Variants in MAGI1 observed in about 807,000 individuals in gnomAD.
The protein encoded by MAGI1 is membrane-associated guanylate kinase, WW and PDZ domain-containing protein 1.
Under a neutral mutation model 139.9 loss-of-function variants are expected in MAGI1, and 58 were observed. The observed-to-expected ratio is 0.41, with a 90% confidence interval of 0.34 to 0.52. The LOEUF (loss-of-function observed/expected upper bound fraction) is 0.52, where lower values mean the gene tolerates loss of function less well. MAGI1 is among the 20% of genes least tolerant of loss of function. MAGI1 has a pLI of 0.12. For synonymous variants in MAGI1, 812 were observed against 737.9 expected, an observed-to-expected ratio of 1.10 and a Z score of -1.63; for missense variants, 1,874 against 1,901.6, an observed-to-expected ratio of 0.99 and a Z score of 0.27.
chr3:66,026,731 G>C (rs1053905614), intron 1 of MAGI1, among the ~76,000 whole-genome samples: 2 of 152,038 alleles, frequency 1.3e-5, no homozygotes, highest in African/African-American at 4.8e-5. Context: ...GAGAGAAGAG[G>C]AGATGGCGGC....
rs376602572 is a variant in MAGI1 at position 65,796,815 on chromosome 3, C to T, written c.314-174727G>A. On this transcript the variant is annotated intron_variant, in intron 1 of 22. Transcript: ENST00000402939. ...CAATTCTGTTGCTGTCATGGGAAAG[C>T]GGCCTTGTACTATACATGACAAATG... Among the ~76,000 whole-genome samples the T allele has an allele frequency of 6.3e-4, 96 of 152,292 alleles. 2 individuals carry two copies. The South Asian group carries it at 0.017, about 27-fold the overall frequency.
chr3:65,996,537 C>A (rs2066456740), intron 1 of MAGI1, among the ~76,000 whole-genome samples: 1 of 26,254 alleles, frequency 3.8e-5, no homozygotes, highest in African/African-American at 1.5e-4. Flanking sequence ...AAATGAAAAA[C>A]TAAGGGGGGG....
intron 2 of MAGI1, among the ~76,000 whole-genome samples, chr3:65,498,669 T>C (rs1220186105): frequency 6.6e-6 from 1 of 152,196 alleles, no homozygotes. Context: ...AGCCATGGTC[T>C]GTCTGAACAC....
At position 65,361,273 on chromosome 3, in the gene MAGI1, A is replaced by G. The variant is rs370182220; in HGVS notation, c.3560T>C (p.Ile1187Thr). The G allele has an allele frequency of 6.2e-7, 1 of 1,614,070 alleles. No homozygotes were observed. The highest frequency in any genetic ancestry group is 8.5e-7 in the Non-Finnish European group (1 of 1,180,020). The part of the protein sequence containing the change: ...TTKNMKHSRA[I>T]ELIKNGGRRV... ...GCGGCCACCATTCTTAATCAGTTCT[A>G]TAGCTCGAGAATGCTTCATGTTTTT... Residue 1187 changes from isoleucine to threonine, a missense_variant, in exon 22 of 23, where the codon ATA becomes ACA. By Grantham distance (89) the Ile-to-Thr change is moderately conservative (BLOSUM62 -1). Coordinates refer to ENST00000402939, the MANE Select transcript of MAGI1 (RefSeq NM_001033057.2).
intron 2 of MAGI1, among the ~76,000 whole-genome samples, chr3:65,504,315 T>A (rs534780704): frequency 6.6e-6 from 1 of 152,368 alleles, no homozygotes; most frequent in South Asian, 2.1e-4. Context: ...TAGAAAATTA[T>A]GTTCATTTAA....
intron 1 of MAGI1, among the ~76,000 whole-genome samples, chr3:65,662,409 T>G (rs986851469): frequency 9.9e-5 from 15 of 152,244 alleles, no homozygotes; most frequent in Admixed American, 3.3e-4. Flanking sequence ...TAGCAACTAC[T>G]TGATTCTGCC....
rs1353395560 is a variant in MAGI1, at chr3:65,364,737, A to C, written c.3291-12T>G. On this transcript the variant is annotated splice_polypyrimidine_tract_variant and intron_variant, in intron 19 of 22. Coordinates refer to ENST00000402939, the MANE Select transcript of MAGI1 (RefSeq NM_001033057.2). Reference sequence around the variant, plus strand: ...GTTTGGTGGTATTCCTGCCAAAGTGAAAGAAATAAATATAAGAGCAACCCA... The same window carrying C: ...GTTTGGTGGTATTCCTGCCAAAGTGCAAGAAATAAATATAAGAGCAACCCA... 1 of 1,613,694 alleles carries C rather than the reference A, an allele frequency of 6.2e-7. No individual in the cohort carries two copies. The highest frequency in any genetic ancestry group is 8.5e-7 in the Non-Finnish European group (1 of 1,179,600).
intron 2 of MAGI1, among the ~76,000 whole-genome samples, chr3:65,568,689 T>C (rs2080797927): frequency 6.6e-6 from 1 of 152,222 alleles, no homozygotes; most frequent in African/African-American, 2.4e-5. Flanking sequence ...AGGAGAAGGA[T>C]TGCTGCCAAG....
intron 1 of MAGI1, among the ~76,000 whole-genome samples, chr3:66,017,984 A>T (rs958318242): frequency 6.6e-6 from 1 of 152,146 alleles, no homozygotes; most frequent in African/African-American, 2.4e-5. Context: ...TAATATCTGT[A>T]AATTGCTTTG....
intron 5 of MAGI1, among the ~76,000 whole-genome samples, chr3:65,468,488 G>C (rs565746839): frequency 7.0e-6 from 1 of 142,660 alleles, no homozygotes; most frequent in African/African-American, 2.6e-5. Flanking sequence ...TGATACTCTT[G>C]CCTCAGCCTC....
intron 1 of MAGI1, among the ~76,000 whole-genome samples, chr3:65,979,088 T>TTCCCCC (rs377493475): frequency 9.4e-5 from 5 of 52,988 alleles, no homozygotes; most frequent in African/African-American, 2.8e-4. Context: ...TTTCTTTTCT[T>TTCCCCC]CCCCCCCCCC....
chr3:65,783,639 C>T (rs9856992), intron 1 of MAGI1, among the ~76,000 whole-genome samples: 5,619 of 151,852 alleles, frequency 0.037, 371 homozygotes, highest in African/African-American at 0.13. Flanking sequence ...GGACTTCAGG[C>T]GTGCATCACC....
intron 3 of MAGI1, among the ~76,000 whole-genome samples, chr3:65,486,623 C>T (rs1254554737): frequency 6.6e-6 from 1 of 152,220 alleles, no homozygotes; most frequent in Non-Finnish European, 1.5e-5. Context: ...CTTTACCTTG[C>T]TTTGATGCCA....
intron 1 of MAGI1, among the ~76,000 whole-genome samples, chr3:65,863,733 G>A (rs187684051): frequency 2.0e-5 from 3 of 152,214 alleles, no homozygotes; most frequent in African/African-American, 7.2e-5. Flanking sequence ...TGAAAAATCA[G>A]CAATAATCTA....
At chr3:65,781,110 T>C (rs1246449561) in intron 1 of MAGI1, among the ~76,000 whole-genome samples, 1 of 151,958 alleles carries the variant, frequency 6.6e-6, no homozygotes, top group Admixed American at 6.6e-5. Flanking sequence ...GCAGGAGAAT[T>C]GCTGGAATCT....
intron 1 of MAGI1, among the ~76,000 whole-genome samples, chr3:65,665,178 A>C (rs923437388): frequency 6.6e-6 from 1 of 152,194 alleles, no homozygotes; most frequent in Admixed American, 6.5e-5. Context: ...AAAACTTACC[A>C]GCCTTACAGA....
chr3:65,495,756 A>T (rs1952386316), intron 2 of MAGI1, among the ~76,000 whole-genome samples: 1 of 152,116 alleles, frequency 6.6e-6, no homozygotes, highest in South Asian at 2.1e-4. Flanking sequence ...TAGGGAAGCT[A>T]TATTAGCTAG....
At chr3:65,655,466 G>A (rs1300939090) in intron 1 of MAGI1, among the ~76,000 whole-genome samples, 1 of 152,132 alleles carries the variant, frequency 6.6e-6, no homozygotes, top group Non-Finnish European at 1.5e-5. Context: ...GAGCTCTTCT[G>A]TTCCTCCTTC....
chr3:65,867,213 C>T (rs1443990557), intron 1 of MAGI1, among the ~76,000 whole-genome samples: 1 of 152,208 alleles, frequency 6.6e-6, no homozygotes, highest in Non-Finnish European at 1.5e-5. Flanking sequence ...CATCTTCCAA[C>T]CACCAGCATC....
Sources: allele counts gnomAD v4.1 joint callset (sites outside exome capture counted in the v4.1 genomes callset), GRCh38; gene constraint gnomAD v4.1.1; transcripts MANE v1.5; gene names NCBI Gene and HGNC (gene_info 2026-07-23, HGNC 2026-07-21).